The following CRYBB2 variants were observed in gnomAD, a reference collection of about 807,000 sequenced individuals.
CRYBB2 encodes the protein crystallin beta B2.
In CRYBB2, 12 loss-of-function variants were observed where a neutral mutation model predicts 24.3. The ratio of observed to expected loss-of-function variants is 0.49; its 90% CI spans 0.32 to 0.80. The LOEUF (loss-of-function observed/expected upper bound fraction) is 0.80. CRYBB2 is among the 30% of genes least tolerant of loss of function. CRYBB2 has a pLI of 0.04. For synonymous variants in CRYBB2, 98 were observed against 101.6 expected, an observed-to-expected ratio of 0.96 and a Z score of 0.21; for missense variants, 198 against 268.5, an observed-to-expected ratio of 0.74 and a Z score of 1.83.
At chr22:25,217,392 A>G (rs1455635316), upstream of CRYBB2, among the ~76,000 whole-genome samples, 2 of 152,164 alleles carry the variant, frequency 1.3e-5, no homozygotes, top group Non-Finnish European at 2.9e-5. Context: ...ATCTTGGCTC[A>G]CTGCATCCTC....
At chr22:25,226,983 C>CT (rs1376568495) in intron 3 of CRYBB2, among the ~76,000 whole-genome samples, 8 of 152,174 alleles carry the variant, frequency 5.3e-5, no homozygotes, top group Non-Finnish European at 7.3e-5. Context: ...CCCTTGACAA[C>CT]TGTTTTTTAA....
At chr22:25,218,779 G>GAGAAGAAAGAAAGA (rs1935251085), upstream of CRYBB2, among the ~76,000 whole-genome samples, 6 of 34,522 alleles carry the variant, frequency 1.7e-4, no homozygotes, top group Non-Finnish European at 2.7e-4. Context: ...GAGAGAGAGA[G>GAGAAGAAAGAAAGA]AAGAAAGAAA....
At chr22:25,218,818 G>GAAAGAAAGA (rs1935264995), upstream of CRYBB2, among the ~76,000 whole-genome samples, 9 of 65,288 alleles carry the variant, frequency 1.4e-4, no homozygotes, top group African/African-American at 4.8e-4. Context: ...AAGAAAGAAA[G>GAAAGAAAGA]AAAGAAAGAA....
intron 3 of CRYBB2, among the ~76,000 whole-genome samples, chr22:25,226,018 C>CT (rs1422829760): frequency 6.6e-6 from 1 of 152,064 alleles, no homozygotes; most frequent in African/African-American, 2.4e-5. Context: ...CTTCTTCTTT[C>CT]TTTTTTAAAA....
chr22:25,228,999 T>C (rs1284115728), intron 4 of CRYBB2, among the ~76,000 whole-genome samples: 8 of 150,194 alleles, frequency 5.3e-5, no homozygotes, highest in African/African-American at 9.9e-5. Context: ...TGGGTGTGCG[T>C]GTGTGTGCAA....
rs1265763079 is a variant in CRYBB2, at chr22:25,227,966, C to G, written c.287C>G (p.Ser96Cys). 2 of 1,614,130 alleles carry G rather than the reference C, an allele frequency of 1.2e-6. No individual in the cohort carries two copies. The highest frequency in any genetic ancestry group is 4.5e-5 in the East Asian group (2 of 44,862). ...TSSRRTDSLS[S>C]LRPIKVDSQE... ...AGCCGAAGGACGGACTCCCTCAGCTCCCTGAGGCCCATCAAAGTGGTGAGC... is the reference window on the plus strand; with the variant it reads ...AGCCGAAGGACGGACTCCCTCAGCTGCCTGAGGCCCATCAAAGTGGTGAGC... The change falls in exon 4 of 6, where the codon TCC (serine) becomes TGC (cysteine). Residue 96 changes from serine to cysteine, a missense_variant. Transcript: ENST00000398215.
In CRYBB2 at chr22:25,224,881, A is replaced by T; in HGVS notation, c.55-37A>T. ...TACCACCCAGTTCTCACTCCTCTTC[A>T]TCGTGATGAGGGTCTGAGTCTCGCT... On this transcript the variant is annotated intron_variant, in intron 2 of 5. Coordinates refer to ENST00000398215, the MANE Select transcript of CRYBB2 (RefSeq NM_000496.3). 5 of 1,155,196 alleles carry T rather than the reference A, an allele frequency of 4.3e-6. No individual in the cohort carries two copies. The South Asian group carries it at 6.1e-5, about 14-fold the overall frequency. The allele number at this position is 1,155,196 out of a possible 1,614,324, so 71.6% of individuals were successfully genotyped here.
At chr22:25,229,600 G>C in intron 5 of CRYBB2, 22 bp downstream of exon 5, 1 of 1,613,814 alleles carries the variant, frequency 6.2e-7, no homozygotes, top group South Asian at 1.1e-5. Context: ...GCCAGCCCTG[G>C]CTCACCCTGC....
At chr22:25,220,534 T>C (rs1194509724) in intron 1 of CRYBB2, among the ~76,000 whole-genome samples, 1 of 152,226 alleles carries the variant, frequency 6.6e-6, no homozygotes, top group Admixed American at 6.5e-5. Flanking sequence ...TAGATTTGGC[T>C]GCCAAGGTGC....
At chr22:25,218,838 G>A (rs752738621), upstream of CRYBB2, among the ~76,000 whole-genome samples, 18 of 98,068 alleles carry the variant, frequency 1.8e-4, no homozygotes, top group Middle Eastern at 5.1e-3. Context: ...AAGAAAGAAA[G>A]AGAAAGAAAG....
At chr22:25,224,897 G>A in intron 2 of CRYBB2, 21 bp from the exon 3 acceptor site, 2 of 1,299,260 alleles carry the variant, frequency 1.5e-6, no homozygotes, top group East Asian at 4.6e-5. Context: ...ATGAGGGTCT[G>A]AGTCTCGCTT....
chr22:25,218,145 G>A (rs1338522563), upstream of CRYBB2, among the ~76,000 whole-genome samples: 5 of 152,142 alleles, frequency 3.3e-5, no homozygotes, highest in South Asian at 2.1e-4. Flanking sequence ...TGTAGTCCCA[G>A]CTACTAGGGA....
intron 1 of CRYBB2, among the ~76,000 whole-genome samples, chr22:25,220,289 G>T (rs1001045779): frequency 1.3e-5 from 2 of 152,188 alleles, no homozygotes; most frequent in African/African-American, 4.8e-5. Context: ...CTCACAACCT[G>T]TTCACAGGTA....
intron 1 of CRYBB2, among the ~76,000 whole-genome samples, chr22:25,220,727 C>T (rs977262812): frequency 1.3e-5 from 2 of 152,186 alleles, no homozygotes; most frequent in Non-Finnish European, 2.9e-5. Context: ...ATTTTCCAGG[C>T]TTTTCTGATG....
chr22:25,224,836 C>A, intron 2 of CRYBB2, 82 bp from the exon 3 acceptor site: 2 of 824,442 alleles, frequency 2.4e-6, no homozygotes, highest in Non-Finnish European at 4.4e-6. Context: ...TTTGGGTTCT[C>A]TGAGCTCCCT....
exon 1 of CRYBB2, chr22:25,212,705 G>A (rs905443916): frequency 6.6e-6 from 1 of 152,180 alleles, no homozygotes; most frequent in African/African-American, 2.4e-5. Context: ...ATGCCTATGT[G>A]CCTGGAAACT....
upstream of CRYBB2, among the ~76,000 whole-genome samples, chr22:25,218,076 A>G (rs988750898): frequency 5.3e-5 from 8 of 151,662 alleles, no homozygotes; most frequent in East Asian, 7.9e-4. Flanking sequence ...TGGCTAACAC[A>G]GTGAAACACC....
At chr22:25,228,084 C>G in intron 4 of CRYBB2, 99 bp downstream of exon 4, 5 of 1,560,966 alleles carry the variant, frequency 3.2e-6, no homozygotes, top group Non-Finnish European at 4.3e-6. Context: ...CAGGAAGGGG[C>G]CCGCCCCTCT....
intron 5 of CRYBB2, among the ~76,000 whole-genome samples, chr22:25,231,349 GTAC>G (rs1935528651): frequency 7.8e-6 from 1 of 128,340 alleles, no homozygotes; most frequent in South Asian, 2.8e-4. Context: ...GTACAGTACA[GTAC>G]AGGCCTTCAG....
Sources: gnomAD v4.1 joint callset for allele counts (sites outside exome capture counted in the v4.1 genomes callset) on GRCh38, gnomAD v4.1.1 for gene constraint, MANE v1.5 for transcripts, NCBI Gene and HGNC (gene_info 2026-07-23, HGNC 2026-07-21) for gene names.